The following RELN variants were observed in gnomAD, a reference collection of about 807,000 sequenced individuals.
RELN encodes the protein reelin.
A neutral mutation model predicts 427.6 loss-of-function variants in RELN; 108 were observed. That is an observed-to-expected ratio of 0.25 (90% CI 0.22 to 0.30). The LOEUF (loss-of-function observed/expected upper bound fraction) is 0.30. Ranked by LOEUF, RELN falls within the 10% of genes least tolerant of loss-of-function variation. The pLI is 1.00. For synonymous variants in RELN, 1,524 were observed against 1,513.4 expected, an observed-to-expected ratio of 1.01 and a Z score of -0.16; for missense variants, 3,715 against 4,302.8, an observed-to-expected ratio of 0.86 and a Z score of 3.82.
Position 103,682,368 on chromosome 7 carries a change from C to T in RELN, c.1144-107G>A. On this transcript the variant is annotated intron_variant, in intron 10 of 64. Coordinates refer to ENST00000428762, the MANE Select transcript of RELN (RefSeq NM_005045.4). ...TTTAGAAAAGTTATTATATTAGCTC[C>T]TCTATGATGGACTCTCAAATCAAAA... The T allele has an allele frequency of 7.0e-6, 8 of 1,135,154 alleles. 1 individual carries two copies. In the South Asian group the frequency reaches 1.0e-4, roughly 14 times the overall value. The allele number at this position is 1,135,154 out of a possible 1,614,324, so 70.3% of individuals were successfully genotyped here.
At chr7:103,550,334 T>A (rs1830384461) in intron 41 of RELN, among the ~76,000 whole-genome samples, 1 of 152,228 alleles carries the variant, frequency 6.6e-6, no homozygotes, top group Non-Finnish European at 1.5e-5. Context: ...CTTGAAAGTA[T>A]GATATTAGTA....
At chr7:103,915,616 C>G (rs1377555357) in intron 2 of RELN, among the ~76,000 whole-genome samples, 1 of 152,106 alleles carries the variant, frequency 6.6e-6, no homozygotes. Flanking sequence ...CCTGGATAAA[C>G]ATTAGAACCA....
chr7:103,764,681 C>G (rs1241450348), intron 4 of RELN, among the ~76,000 whole-genome samples: 2 of 151,320 alleles, frequency 1.3e-5, no homozygotes, highest in African/African-American at 2.4e-5. Context: ...ACTAAAAATA[C>G]AAAAATTAGC....
intron 42 of RELN, 30 bp from the exon 43 acceptor site, chr7:103,542,908 A>G (rs1370178917): frequency 1.4e-5 from 23 of 1,610,114 alleles, no homozygotes; most frequent in Middle Eastern, 1.6e-4. Flanking sequence ...TGGTTTACCT[A>G]TGACCCCAAC....
rs1187478144 is a variant in RELN, at chr7:103,975,712, A to ATT, written c.226+13417_226+13418dup. On this transcript the variant is annotated intron_variant, in intron 1 of 64. Coordinates refer to ENST00000428762, the MANE Select transcript of RELN (RefSeq NM_005045.4). ...AGGCACCCGCCACCACGCCTGGCTGATTTTTTTTTTTTTTTTTTGTATTTT... is the reference window on the plus strand; with the variant it reads ...AGGCACCCGCCACCACGCCTGGCTGATTTTTTTTTTTTTTTTTTTTGTATTTT... Among the ~76,000 whole-genome samples the ATT allele has an allele frequency of 7.7e-3, 940 of 122,008 alleles. 14 individuals carry two copies. Among genetic ancestry groups the ATT allele is most frequent in the African/African-American group, 0.02 (635 of 31,996 alleles). The allele number at this position is 122,008 out of a possible 152,430, so 80.0% of individuals were successfully genotyped here.
chr7:103,642,903 T>C (rs937335707), intron 16 of RELN, among the ~76,000 whole-genome samples: 2 of 152,088 alleles, frequency 1.3e-5, no homozygotes. Flanking sequence ...CTACGCAAAA[T>C]GTTCTACCAA....
chr7:103,909,690 TA>T (rs1795300810), intron 2 of RELN, among the ~76,000 whole-genome samples: 3 of 68,720 alleles, frequency 4.4e-5, no homozygotes, highest in African/African-American at 2.3e-4. Flanking sequence ...ATTTAATAAA[TA>T]TATATATTTA....
chr7:103,530,041 T>C (rs1328935039), intron 46 of RELN, among the ~76,000 whole-genome samples: 1 of 152,176 alleles, frequency 6.6e-6, no homozygotes, highest in Non-Finnish European at 1.5e-5. Flanking sequence ...TCTCCCTCTC[T>C]TTTTAAACAC....
intron 10 of RELN, among the ~76,000 whole-genome samples, chr7:103,687,282 G>A (rs566038763): frequency 7.9e-5 from 12 of 152,222 alleles, no homozygotes; most frequent in African/African-American, 2.9e-4. Context: ...CACAGTGTTG[G>A]AGGCTTTTAG....
intron 51 of RELN, among the ~76,000 whole-genome samples, chr7:103,509,571 A>G (rs1829328436): frequency 2.0e-5 from 3 of 152,214 alleles, no homozygotes; most frequent in South Asian, 2.1e-4. Context: ...AACTCAGGCA[A>G]TACCATTCAG....
chr7:103,688,343 G>A (rs1323354656), intron 10 of RELN, among the ~76,000 whole-genome samples: 1 of 152,018 alleles, frequency 6.6e-6, no homozygotes, highest in East Asian at 1.9e-4. Context: ...GCACATTTCT[G>A]AAAAGTAAAT....
chr7:103,566,510 G>A, intron 32 of RELN, 91 bp downstream of exon 32: 4 of 1,592,080 alleles, frequency 2.5e-6, no homozygotes, highest in Non-Finnish European at 3.4e-6. Flanking sequence ...TCTAGAAATT[G>A]ACAGCAAATT....
chr7:103,749,257 T>C (rs1013762362), intron 6 of RELN, among the ~76,000 whole-genome samples, 169 bp downstream of exon 6: 2 of 152,140 alleles, frequency 1.3e-5, no homozygotes, highest in African/African-American at 2.4e-5. Flanking sequence ...AGTCAAGTAA[T>C]AGACATTATA....
rs568058824 is a variant in RELN at position 103,770,698 on chromosome 7, G to C, written c.544+5859C>G. Among the ~76,000 whole-genome samples, 5 of 151,436 alleles carry C rather than the reference G, an allele frequency of 3.3e-5. No homozygotes were observed. In the East Asian group the frequency reaches 9.7e-4, roughly 29 times the overall value. ...AAATAATAATGGTACATATTTATTGGGTCCACAGTAATATATATAATCTAT... is the reference window on the plus strand; with the variant it reads ...AAATAATAATGGTACATATTTATTGCGTCCACAGTAATATATATAATCTAT... On this transcript the variant is annotated intron_variant, in intron 4 of 64. Coordinates refer to ENST00000428762, the MANE Select transcript of RELN (RefSeq NM_005045.4).
chr7:103,798,928 G>A (rs1792377117), intron 3 of RELN, among the ~76,000 whole-genome samples: 3 of 152,146 alleles, frequency 2.0e-5, no homozygotes, highest in Admixed American at 2.0e-4. Context: ...CTCCAACCAA[G>A]GGAAACCCAA....
At chr7:103,925,985 G>A (rs550791945) in intron 1 of RELN, among the ~76,000 whole-genome samples, 47 of 150,844 alleles carry the variant, frequency 3.1e-4, no homozygotes, top group African/African-American at 1.0e-3. Flanking sequence ...TTTTTTTTAC[G>A]TTGTTTTGAC....
chr7:103,542,964 T>C (rs1830206460), intron 42 of RELN, 86 bp from the exon 43 acceptor site: 1 of 1,332,674 alleles, frequency 7.5e-7, no homozygotes, highest in African/African-American at 1.5e-5. Flanking sequence ...GGTAAATGCA[T>C]TATGTAGTTT....
intron 11 of RELN, among the ~76,000 whole-genome samples, chr7:103,674,582 T>A (rs1382373064): frequency 6.6e-6 from 1 of 152,148 alleles, no homozygotes; most frequent in Non-Finnish European, 1.5e-5. Flanking sequence ...ATTCCTCATG[T>A]CCGCATTCAT....
intron 3 of RELN, among the ~76,000 whole-genome samples, chr7:103,792,079 G>C (rs1056331883): frequency 2.0e-5 from 3 of 152,192 alleles, no homozygotes; most frequent in Non-Finnish European, 4.4e-5. Context: ...TGTTGACAAG[G>C]ATGTGGAGAA....
Sources: allele counts gnomAD v4.1 joint callset (sites outside exome capture counted in the v4.1 genomes callset), GRCh38; gene constraint gnomAD v4.1.1; transcripts MANE v1.5; gene names NCBI Gene and HGNC (gene_info 2026-07-23, HGNC 2026-07-21).